Variants in KDM6A observed in about 807,000 individuals in gnomAD.
KDM6A encodes lysine demethylase 6A.
Under a neutral mutation model 117.6 loss-of-function variants are expected in KDM6A, and 11 were observed. The ratio of observed to expected loss-of-function variants is 0.09; its 90% confidence interval spans 0.06 to 0.15. The LOEUF (loss-of-function observed/expected upper bound fraction) is 0.15, where lower values mean the gene tolerates loss of function less well. Among genes scored for constraint, KDM6A ranks in the 10% least tolerant of loss-of-function variants. The pLI, the probability that KDM6A is intolerant of heterozygous loss-of-function variation, is 1.00. For synonymous variants in KDM6A, 384 were observed against 396.1 expected (o/e 0.97, Z 0.36); for missense variants, 799 against 1,077.3 (o/e 0.74, Z 3.62).
chrX:44,902,513 C>T (rs1009689010), intron 2 of KDM6A, among the ~76,000 whole-genome samples: 3 of 108,888 alleles, frequency 2.8e-5, no homozygotes, highest in Non-Finnish European at 5.7e-5. Context: ...CCTCAGCCTC[C>T]GGAGTAGCTG....
At chrX:45,054,350 T>C (rs1049681762) in intron 10 of KDM6A, among the ~76,000 whole-genome samples, 10 of 111,834 alleles carry the variant, frequency 8.9e-5, no homozygotes, top group Middle Eastern at 4.7e-3. Context: ...TGACTACTGG[T>C]AGTCAATGGA....
chrX:45,047,146 G>C (rs1259008186), intron 8 of KDM6A, among the ~76,000 whole-genome samples: 1 of 109,521 alleles, frequency 9.1e-6, no homozygotes, highest in Non-Finnish European at 1.9e-5. Context: ...TTTATATTTG[G>C]TTTTCAAAAA....
In KDM6A at chrX:45,104,312, C is replaced by T. The variant is rs930174483; in HGVS notation, c.4035-3098C>T. On this transcript the variant is annotated intron_variant, in intron 27 of 29. Coordinates refer to ENST00000611820, the MANE Select transcript of KDM6A (RefSeq NM_001291415.2). The stretch of plus-strand genomic sequence containing the variant: ...TGCTGGGATTACAGGCGCGAGCCAC[C>T]GCGCCCAGCCCTCAAATTGAATTCT... 4.4e-5 allele frequency among the ~76,000 whole-genome samples: 5 copies of T among 112,769 alleles called. No individual in the cohort carries two copies. In the South Asian group the frequency reaches 1.1e-3, roughly 24 times the overall value.
chrX:44,874,181 C>T (rs2031215668), intron 2 of KDM6A, among the ~76,000 whole-genome samples, 194 bp downstream of exon 2: 1 of 111,804 alleles, frequency 8.9e-6, no homozygotes, highest in Non-Finnish European at 1.9e-5. Context: ...TCGCTCTTTT[C>T]CTCTTGTAGC....
At chrX:44,948,742 G>A (rs1333851547) in intron 2 of KDM6A, among the ~76,000 whole-genome samples, 2 of 112,116 alleles carry the variant, frequency 1.8e-5, no homozygotes, top group Non-Finnish European at 1.9e-5. Context: ...ACATCATTTA[G>A]GAAAAGAACT....
At chrX:45,005,846 C>G (rs1450261860) in intron 4 of KDM6A, among the ~76,000 whole-genome samples, 1 of 108,301 alleles carries the variant, frequency 9.2e-6, no homozygotes, top group African/African-American at 3.4e-5. Context: ...GGAAATTTCT[C>G]ACCTTTTCTA....
chrX:45,012,580 C>T (rs941133339), intron 5 of KDM6A, among the ~76,000 whole-genome samples: 1 of 111,115 alleles, frequency 9.0e-6, no homozygotes, highest in African/African-American at 3.3e-5. Context: ...CGGGTGAGTT[C>T]TGTGGGAGTC....
chrX:44,941,511 C>T (rs1003119061), intron 2 of KDM6A, among the ~76,000 whole-genome samples: 1 of 102,235 alleles, frequency 9.8e-6, no homozygotes, highest in African/African-American at 3.8e-5. Flanking sequence ...AATAGAGTCT[C>T]GCTGTGTTGC....
chrX:45,001,374 C>T (rs2041136189), intron 4 of KDM6A, among the ~76,000 whole-genome samples: 1 of 111,585 alleles, frequency 9.0e-6, no homozygotes, highest in African/African-American at 3.3e-5. Context: ...TGGGGCAGTC[C>T]ATTCTTGTTC....
At position 44,942,784 on chromosome X, in the gene KDM6A, G is replaced by A. The variant is rs766463216; in HGVS notation, c.226-18500G>A. 4.9e-3 allele frequency among the ~76,000 whole-genome samples: 535 copies of A among 109,991 alleles called. 1 individual carries two copies. Among genetic ancestry groups the A allele is most frequent in the Non-Finnish European group, 8.4e-3 (443 of 52,763 alleles). On this transcript the variant is annotated intron_variant, in intron 2 of 29. Coordinates refer to ENST00000611820, the MANE Select transcript of KDM6A (RefSeq NM_001291415.2). Reference sequence around the variant, plus strand: ...ACCTAAGTACTCCTTTCTTCCGGGGGTTGGGGCAGGTGTTACTGTAAATGT... The same window carrying A: ...ACCTAAGTACTCCTTTCTTCCGGGGATTGGGGCAGGTGTTACTGTAAATGT...
intron 4 of KDM6A, among the ~76,000 whole-genome samples, chrX:45,003,973 T>C (rs2041300805): frequency 9.9e-6 from 1 of 101,117 alleles, no homozygotes; most frequent in African/African-American, 3.6e-5. Flanking sequence ...TGCCAGACGC[T>C]TATGCTGCTG....
intron 26 of KDM6A, 88 bp downstream of exon 26, chrX:45,090,018 C>T (rs2045823301): frequency 1.4e-6 from 1 of 739,974 alleles, no homozygotes. Flanking sequence ...ATATAACTCA[C>T]TAAAAGTTGT....
chrX:44,956,624 G>A (rs1466917460), intron 2 of KDM6A, among the ~76,000 whole-genome samples: 8 of 110,843 alleles, frequency 7.2e-5, no homozygotes, highest in Admixed American at 9.6e-5. Flanking sequence ...GGCTGGTCTC[G>A]AACTCCTGGG....
At chrX:44,914,489 A>C (rs868601368) in intron 2 of KDM6A, among the ~76,000 whole-genome samples, 3 of 111,631 alleles carry the variant, frequency 2.7e-5, no homozygotes, top group Admixed American at 9.5e-5. Context: ...TTTTAGGTAG[A>C]TAAAGGAAAT....
chrX:44,920,871 C>CTTTTTTTTTTTTT (rs2035884950), intron 2 of KDM6A, among the ~76,000 whole-genome samples: 1 of 96,004 alleles, frequency 1.0e-5, no homozygotes, highest in Non-Finnish European at 2.1e-5. Context: ...TTTTTCTTTT[C>CTTTTTTTTTTTTT]TTTTTCTTTT....
At chrX:44,978,999 G>A (rs142527247) in intron 4 of KDM6A, among the ~76,000 whole-genome samples, 5,440 of 111,826 alleles carry the variant, frequency 0.049, 334 homozygotes, top group African/African-American at 0.17. Context: ...AAGTATTTGG[G>A]TTGTTTTCAG....
intron 2 of KDM6A, among the ~76,000 whole-genome samples, chrX:44,877,727 A>AT (rs2031824165): frequency 9.0e-6 from 1 of 110,851 alleles, no homozygotes; most frequent in Admixed American, 9.7e-5. Flanking sequence ...AAAGTATCTT[A>AT]TTTTTAAGTT....
chrX:44,881,935 G>A (rs1294817608), intron 2 of KDM6A, among the ~76,000 whole-genome samples: 2 of 110,534 alleles, frequency 1.8e-5, no homozygotes, highest in East Asian at 2.8e-4. Context: ...TGATCCCCCC[G>A]CGTCGGCCTC....
chrX:44,913,401 C>T (rs2035343144), intron 2 of KDM6A, among the ~76,000 whole-genome samples: 2 of 104,743 alleles, frequency 1.9e-5, no homozygotes, highest in Non-Finnish European at 1.9e-5. Context: ...TGGGTTCGAG[C>T]GATTCTCCTG....
Sources: allele counts gnomAD v4.1 joint callset (sites outside exome capture counted in the v4.1 genomes callset), GRCh38; gene constraint gnomAD v4.1.1; transcripts MANE v1.5; gene names NCBI Gene and HGNC (gene_info 2026-07-23, HGNC 2026-07-21).